AKNAD1: variants seen among roughly 807,000 people sequenced by gnomAD.
AKNAD1 encodes the protein AKNA domain containing 1, also known as protein AKNAD1.
A neutral mutation model predicts 90.8 loss-of-function variants in AKNAD1; 67 were observed. The observed-to-expected ratio is 0.74, with a 90% CI of 0.61 to 0.90. AKNAD1 has a LOEUF of 0.90. Ranked by LOEUF, AKNAD1 falls within the 40% of genes least tolerant of loss-of-function variation. AKNAD1 has a pLI of 0.00. For synonymous variants in AKNAD1, 327 were observed against 341.4 expected (o/e 0.96, Z 0.46); for missense variants, 957 against 975.4 (o/e 0.98, Z 0.25).
chr1:108,852,744 T>C lies in AKNAD1; in HGVS notation c.-80A>G. ...TTGTAACAATAGCTCTGGTTCTCACTGACTGTCTTCACTGTGTGCTATTCT... is the reference window on the plus strand; with the variant it reads ...TTGTAACAATAGCTCTGGTTCTCACCGACTGTCTTCACTGTGTGCTATTCT... On this transcript the variant is annotated 5_prime_UTR_variant, in exon 2 of 16. Transcript: ENST00000370001. 1 of 1,363,320 alleles carries C rather than the reference T, an allele frequency of 7.3e-7. No homozygotes were observed. Among genetic ancestry groups the C allele is most frequent in the Non-Finnish European group, 9.9e-7 (1 of 1,008,744 alleles). The allele number at this position is 1,363,320 out of a possible 1,614,324, so 84.5% of individuals were successfully genotyped here.
At chr1:108,839,131 A>C (rs936955416) in intron 6 of AKNAD1, among the ~76,000 whole-genome samples, 42 of 152,296 alleles carry the variant, frequency 2.8e-4, no homozygotes, top group Non-Finnish European at 5.6e-4. Context: ...CACTAAACAT[A>C]ATTCTACCAA....
chr1:108,851,547 T>G (rs1570830040), intron 2 of AKNAD1, 125 bp downstream of exon 2: 1 of 867,838 alleles, frequency 1.2e-6, no homozygotes, highest in African/African-American at 1.7e-5. Flanking sequence ...TCATCCAGGG[T>G]GACCCAGGGT....
At chr1:108,842,432 A>G (rs1664578457) in intron 6 of AKNAD1, among the ~76,000 whole-genome samples, 1 of 152,364 alleles carries the variant, frequency 6.6e-6, no homozygotes, top group Non-Finnish European at 1.5e-5. Flanking sequence ...ATTATCTGGA[A>G]TGGAGAAAGG....
intron 10 of AKNAD1, among the ~76,000 whole-genome samples, chr1:108,829,546 T>C (rs904562627): frequency 1.3e-5 from 2 of 152,200 alleles, no homozygotes; most frequent in Non-Finnish European, 2.9e-5. Flanking sequence ...AAAGGGCAGC[T>C]CAAAGCTGAT....
chr1:108,840,803 A>G (rs532649688), intron 6 of AKNAD1, among the ~76,000 whole-genome samples: 1 of 152,306 alleles, frequency 6.6e-6, no homozygotes, highest in Admixed American at 6.5e-5. Flanking sequence ...ATAATTGAAT[A>G]AAATATAGGA....
At chr1:108,828,694 G>A (rs1664092394) in intron 10 of AKNAD1, among the ~76,000 whole-genome samples, 1 of 151,844 alleles carries the variant, frequency 6.6e-6, no homozygotes, top group African/African-American at 2.4e-5. Context: ...GGAAAAACAT[G>A]CTGTCCTCTT....
Position 108,823,464 on chromosome 1 carries a change from T to C in AKNAD1, c.2073A>G (p.Arg691=). 6.2e-7 allele frequency: 1 copy of C among 1,613,992 alleles called. No individual in the cohort carries two copies. The highest frequency in any genetic ancestry group is 2.2e-5 in the East Asian group (1 of 44,890). ...AGTAATTCTGTCCTGGAGTGTTGTA[T>C]CTATAATGAAATTCTGGGAAGAAAA... ...RKEPTKEFHY[R]YNTPGQNYSN... The change falls in exon 13 of 16, where the codon AGA becomes AGG. Residue 691 remains arginine (R), a synonymous_variant. Transcript: ENST00000370001.
intron 1 of AKNAD1, among the ~76,000 whole-genome samples, chr1:108,856,255 C>T (rs1422843895): frequency 6.6e-6 from 1 of 152,108 alleles, no homozygotes; most frequent in East Asian, 1.9e-4. Flanking sequence ...CAAAGTTATC[C>T]TCATGCTTTC....
chr1:108,823,030 A>C (rs1411603248), intron 13 of AKNAD1: 3 of 614,028 alleles, frequency 4.9e-6, no homozygotes, highest in African/African-American at 1.9e-5. Flanking sequence ...AGCATTAGCC[A>C]CCTCTGAATA....
chr1:108,848,271 A>G (rs1052671456), intron 5 of AKNAD1, among the ~76,000 whole-genome samples: 4 of 152,224 alleles, frequency 2.6e-5, no homozygotes, highest in African/African-American at 9.6e-5. Flanking sequence ...TGGTGATGAC[A>G]TAAATTAATG....
upstream of AKNAD1, chr1:108,857,355 T>C (rs1665079280): frequency 1.3e-5 from 2 of 153,182 alleles, no homozygotes; most frequent in Admixed American, 6.5e-5. Context: ...CTAAGCTCAC[T>C]AACCTGCCAA....
intron 6 of AKNAD1, among the ~76,000 whole-genome samples, chr1:108,842,179 T>C (rs1302535586): frequency 6.6e-6 from 1 of 152,056 alleles, no homozygotes; most frequent in East Asian, 1.9e-4. Flanking sequence ...GAAATAAAGG[T>C]AGACAGAGGT....
chr1:108,844,397 T>TATATATATATATATATATATATATATAC (rs1557835399), intron 5 of AKNAD1, among the ~76,000 whole-genome samples: 6 of 147,626 alleles, frequency 4.1e-5, no homozygotes, highest in African/African-American at 7.6e-5. Flanking sequence ...TATATATATA[T>TATATATATATATATATATATATATATAC]ACCAAAGCCA....
intron 10 of AKNAD1, 60 bp from the exon 11 acceptor site, chr1:108,827,362 G>A: frequency 7.7e-7 from 1 of 1,303,856 alleles, no homozygotes; most frequent in Non-Finnish European, 1.1e-6. Flanking sequence ...GATAGGGAAA[G>A]TTTTGGTAAA....
intron 6 of AKNAD1, among the ~76,000 whole-genome samples, chr1:108,842,180 A>C (rs1664573368): frequency 6.6e-6 from 1 of 152,224 alleles, no homozygotes. Flanking sequence ...AAATAAAGGT[A>C]GACAGAGGTT....
chr1:108,857,739 A>T (rs1210495786), upstream of AKNAD1, among the ~76,000 whole-genome samples: 1 of 152,186 alleles, frequency 6.6e-6, no homozygotes, highest in East Asian at 1.9e-4. Flanking sequence ...TACTTACCTT[A>T]TCTGCCCCTC....
chr1:108,831,555 C>A (rs1664196136), intron 9 of AKNAD1, among the ~76,000 whole-genome samples: 1 of 151,978 alleles, frequency 6.6e-6, no homozygotes, highest in South Asian at 2.1e-4. Flanking sequence ...GGGTGTGTCA[C>A]CTTTTGTGTT....
At chr1:108,839,221 C>G (rs971250314) in intron 6 of AKNAD1, among the ~76,000 whole-genome samples, 10 of 152,120 alleles carry the variant, frequency 6.6e-5, no homozygotes, top group Non-Finnish European at 1.3e-4. Flanking sequence ...CGCGGTAGTT[C>G]ACGCCTGTAA....
intron 1 of AKNAD1, 126 bp from the exon 2 acceptor site, chr1:108,852,893 ACCACAAGC>A: frequency 2.7e-6 from 1 of 369,870 alleles, no homozygotes. Flanking sequence ...AGGAAGCTCA[ACCACAAGC>A]TGACCCAACC....
Sources: gnomAD v4.1 joint callset for allele counts (sites outside exome capture counted in the v4.1 genomes callset) on GRCh38, gnomAD v4.1.1 for gene constraint, MANE v1.5 for transcripts, NCBI Gene and HGNC (gene_info 2026-07-23, HGNC 2026-07-21) for gene names.